ADH4: variants seen among roughly 807,000 people sequenced by gnomAD.
ADH4 encodes the protein all-trans-retinol dehydrogenase [NAD(+)] ADH4.
A neutral mutation model predicts 35.2 loss-of-function variants in ADH4; 31 were observed. The observed-to-expected ratio is 0.88, with a 90% CI of 0.66 to 1.19. The LOEUF is 1.19. Ranked by LOEUF, ADH4 falls within the 50% of genes most tolerant of loss-of-function variation. The pLI is 0.00. For synonymous variants in ADH4, 171 were observed against 160.2 expected, an observed-to-expected ratio of 1.07 and a Z score of -0.51; for missense variants, 476 against 458.3, an observed-to-expected ratio of 1.04 and a Z score of -0.35.
intron 6 of ADH4, 97 bp downstream of exon 6, chr4:99,131,407 A>G: frequency 7.5e-7 from 1 of 1,336,064 alleles, no homozygotes; most frequent in Non-Finnish European, 1.0e-6. Context: ...TCCATTTGAA[A>G]GTACTAAGTA....
chr4:99,143,517 A>C, intron 1 of ADH4: 1 of 270,756 alleles, frequency 3.7e-6, no homozygotes, highest in Non-Finnish European at 7.1e-6. Flanking sequence ...TTTCAAATAT[A>C]AGCAACATTG....
In ADH4 at chr4:99,131,470, T is replaced by C. The variant is rs561347487; in HGVS notation, c.843+34A>G. ...TATTATTTGACAGCCAAAGAATACATTGAAAATATGATCCAAGAACAAAAT... is the reference window on the plus strand; with the variant it reads ...TATTATTTGACAGCCAAAGAATACACTGAAAATATGATCCAAGAACAAAAT... On this transcript the variant is annotated intron_variant, in intron 6 of 8. Coordinates refer to ENST00000265512, the MANE Select transcript of ADH4 (RefSeq NM_000670.5). 27 of 1,596,866 alleles carry C rather than the reference T, an allele frequency of 1.7e-5. No homozygotes were observed. In the South Asian group the frequency reaches 2.5e-4, roughly 15 times the overall value.
rs1234588055 is a variant in ADH4, at chr4:99,124,019, A to G, written c.*423T>C. On this transcript the variant is annotated 3_prime_UTR_variant, in exon 9 of 9. Coordinates refer to ENST00000265512, the MANE Select transcript of ADH4 (RefSeq NM_000670.5). ...GTGTGTTGTTCCCCATCATGTGTCCATGTGTTCTCATCATTTAGCTCCCAG... is the reference window on the plus strand; with the variant it reads ...GTGTGTTGTTCCCCATCATGTGTCCGTGTGTTCTCATCATTTAGCTCCCAG... 1 of 187,660 alleles carries G rather than the reference A, an allele frequency of 5.3e-6. No homozygotes were observed. Among genetic ancestry groups the G allele is most frequent in the Non-Finnish European group, 1.1e-5 (1 of 93,196 alleles). 11.6% of individuals were successfully genotyped at this position (187,660 alleles called of 1,614,324 possible). A position where few individuals can be genotyped will look rare whatever the true frequency, so the allele number is the denominator to read the frequency against.
rs753875419 is a variant in ADH4 at position 99,136,516 on chromosome 4, GCAGA to G, written c.528_531del (p.Leu178AspfsTer28). 27 of 1,613,922 alleles carry G rather than the reference GCAGA, an allele frequency of 1.7e-5. No homozygotes were observed. The Admixed American group carries it at 4.5e-4, about 27-fold the overall frequency. On this transcript the variant is annotated frameshift_variant, in exon 5 of 9. Transcript: ENST00000265512. LOFTEE classifies it high-confidence loss of function. ...TAGCCAGTTGAAAACCCACATCCAA[GCAGA>G]CAAACTCTCTCTAAATTTGCATCAT...
At position 99,141,702 on chromosome 4, in the gene ADH4, TTTAA is replaced by T; in HGVS notation, c.121-24_121-21del. On this transcript the variant is annotated intron_variant, in intron 2 of 8. Coordinates refer to ENST00000265512, the MANE Select transcript of ADH4 (RefSeq NM_000670.5). ...AATGATCTACAAGGCAATCACAGACTTTAATTGTGTTTCTGCAACTATATTATTG... is the reference window on the plus strand; with the variant it reads ...AATGATCTACAAGGCAATCACAGACTTTGTGTTTCTGCAACTATATTATTG... The T allele has an allele frequency of 1.9e-6, 3 of 1,605,978 alleles. No homozygotes were observed. The highest frequency in any genetic ancestry group is 2.6e-6 in the Non-Finnish European group (3 of 1,174,850).
At position 99,127,304 on chromosome 4, in the gene ADH4, C is replaced by T; in HGVS notation, c.884G>A (p.Cys295Tyr). 2 of 1,612,392 alleles carry T rather than the reference C, an allele frequency of 1.2e-6. No individual in the cohort carries two copies. Among genetic ancestry groups the T allele is most frequent in the Non-Finnish European group, 1.7e-6 (2 of 1,179,006 alleles). The change falls in exon 7 of 9, where the codon TGT becomes TAT. Residue 295 changes from cysteine (C) to tyrosine (Y), a missense_variant. Transcript: ENST00000265512. ...ACCAGCAGCTACTCCAATGAAAGTA[C>T]ATGATCCCCAGCCTGCGGTTGTACA... ...LDCTTAGWGS[C>Y]TFIGVAAGSK... is the part of the protein sequence containing the mutation.
intron 5 of ADH4, among the ~76,000 whole-genome samples, chr4:99,134,825 T>C (rs1387129969): frequency 6.6e-6 from 1 of 151,230 alleles, no homozygotes; most frequent in Non-Finnish European, 1.5e-5. Flanking sequence ...CATACTTTGG[T>C]ATCTTGGCTA....
intron 6 of ADH4, 126 bp downstream of exon 6, chr4:99,131,378 T>C: frequency 1.2e-5 from 13 of 1,078,078 alleles, no homozygotes; most frequent in South Asian, 8.3e-5. Context: ...TTGTGGCTTA[T>C]AGTTCTACCA....
chr4:99,127,193 G>GAAA lies in ADH4; in HGVS notation c.979+13_979+15dup. The GAAA allele has an allele frequency of 7.9e-7, 1 of 1,258,518 alleles. No homozygotes were observed. Among genetic ancestry groups the GAAA allele is most frequent in the Non-Finnish European group, 1.1e-6 (1 of 918,168 alleles). The allele number at this position is 1,258,518 out of a possible 1,614,324, so 78.0% of individuals were successfully genotyped here. On this transcript the variant is annotated intron_variant, in intron 7 of 8. Transcript: ENST00000265512. ...TAGGAAAAGAATTTAAAGCTATGAA[G>GAAA]AAAAAAAAAACTGACCACCAAAGAA...
chr4:99,128,892 T>C (rs1193821912), intron 6 of ADH4, among the ~76,000 whole-genome samples: 1 of 152,112 alleles, frequency 6.6e-6, no homozygotes, highest in Non-Finnish European at 1.5e-5. Context: ...CTCAACTTCC[T>C]GGGCTTAAGT....
chr4:99,143,643 C>G lies in ADH4; in HGVS notation c.18+562G>C, dbSNP rs139033412. Among the ~76,000 whole-genome samples the G allele has an allele frequency of 7.5e-3, 1,135 of 152,148 alleles. 16 individuals are homozygous for G. Among genetic ancestry groups the G allele is most frequent in the African/African-American group, 0.026 (1,065 of 41,526 alleles). On this transcript the variant is annotated intron_variant, in intron 1 of 8. Transcript: ENST00000265512. ...ATTAATGTATATTTTTCAATAGTTA[C>G]ATAATTTTGAATTATGTTTTTGAAT...
intron 5 of ADH4, among the ~76,000 whole-genome samples, chr4:99,134,842 C>A (rs1006368115): frequency 3.3e-5 from 5 of 150,720 alleles, no homozygotes; most frequent in Non-Finnish European, 7.4e-5. Flanking sequence ...GCTACTAGAT[C>A]AACCTCTTAT....
intron 7 of ADH4, 117 bp downstream of exon 7, chr4:99,127,092 C>G: frequency 1.4e-6 from 1 of 737,798 alleles, no homozygotes; most frequent in Non-Finnish European, 2.1e-6. Context: ...TTTGGATATG[C>G]TCTAGGGATT....
At chr4:99,139,204 C>A in intron 3 of ADH4, 56 bp from the exon 4 acceptor site, 5 of 1,166,990 alleles carry the variant, frequency 4.3e-6, no homozygotes, top group Non-Finnish European at 6.3e-6. Context: ...ATAGCTTCTA[C>A]CAGATAAATC....
intron 4 of ADH4, among the ~76,000 whole-genome samples, chr4:99,137,580 G>A (rs1729485628): frequency 6.6e-6 from 1 of 152,152 alleles, no homozygotes. Context: ...AACTTTCATT[G>A]AATGCTTTTG....
Position 99,141,694 on chromosome 4 carries a change from T to C in ADH4, c.121-12A>G. On this transcript the variant is annotated splice_polypyrimidine_tract_variant and intron_variant, in intron 2 of 8. Coordinates refer to ENST00000265512, the MANE Select transcript of ADH4 (RefSeq NM_000670.5). The stretch of plus-strand genomic sequence containing the variant: ...GAGGTAGCAATGATCTACAAGGCAA[T>C]CACAGACTTTAATTGTGTTTCTGCA... 5 of 1,611,606 alleles carry C rather than the reference T, an allele frequency of 3.1e-6. No homozygotes were observed. Among genetic ancestry groups the C allele is most frequent in the South Asian group, 1.1e-5 (1 of 90,858 alleles).
Position 99,144,290 on chromosome 4 carries a change from A to C in ADH4, c.-68T>G. 1 of 1,477,654 alleles carries C rather than the reference A, an allele frequency of 6.8e-7. No individual in the cohort carries two copies. The highest frequency in any genetic ancestry group is 9.5e-7 in the Non-Finnish European group (1 of 1,056,038). 91.5% of individuals were successfully genotyped at this position (1,477,654 alleles called of 1,614,324 possible). ...GAAAGCTTCAAACTCCTACCCAGGG[A>C]GTTCCGTGTCCTATAATGAGCTGTC... On this transcript the variant is annotated 5_prime_UTR_variant, in exon 1 of 9. Coordinates refer to ENST00000265512, the MANE Select transcript of ADH4 (RefSeq NM_000670.5).
At chr4:99,127,079 G>A in intron 7 of ADH4, 130 bp downstream of exon 7, 2 of 550,918 alleles carry the variant, frequency 3.6e-6, no homozygotes, top group Non-Finnish European at 2.9e-6. Context: ...TTTTTATGTA[G>A]TATTTGGATA....
rs149520063 is a variant in ADH4, at chr4:99,139,932, G to A, written c.263-784C>T. ...CAATTTGTTTGTACAATCTTTTTTG[G>A]AATGGAAAGATACTAATATACCTCT... On this transcript the variant is annotated intron_variant, in intron 3 of 8. Coordinates refer to ENST00000265512, the MANE Select transcript of ADH4 (RefSeq NM_000670.5). 3.0e-3 allele frequency among the ~76,000 whole-genome samples: 455 copies of A among 152,206 alleles called. 7 individuals are homozygous for A. Among genetic ancestry groups the A allele is most frequent in the African/African-American group, 0.011 (437 of 41,540 alleles).
Sources: allele counts gnomAD v4.1 joint callset (sites outside exome capture counted in the v4.1 genomes callset), GRCh38; gene constraint gnomAD v4.1.1; transcripts MANE v1.5; gene names NCBI Gene and HGNC (gene_info 2026-07-23, HGNC 2026-07-21).